Variants in TMEM87A observed in about 807,000 individuals in gnomAD.
TMEM87A encodes Golgi-pH regulating cation channel.
A neutral mutation model predicts 90.0 loss-of-function variants in TMEM87A; 50 were observed. The observed-to-expected ratio is 0.56, with a 90% CI of 0.44 to 0.70. TMEM87A has a LOEUF of 0.70. Ranked by LOEUF, TMEM87A falls within the 30% of genes least tolerant of loss-of-function variation. The pLI is 0.00. For synonymous variants in TMEM87A, 226 were observed against 226.7 expected (o/e 1.00, Z 0.03); for missense variants, 577 against 660.5 (o/e 0.87, Z 1.39).
At chr15:42,243,161 C>G (rs891259517) in intron 7 of TMEM87A, among the ~76,000 whole-genome samples, 1 of 151,752 alleles carries the variant, frequency 6.6e-6, no homozygotes, top group Admixed American at 6.6e-5. Context: ...CCAGCTACTT[C>G]GGAGACTGAG....
chr15:42,244,595 A>T (rs1429093976), intron 6 of TMEM87A, among the ~76,000 whole-genome samples: 1 of 151,208 alleles, frequency 6.6e-6, no homozygotes, highest in Non-Finnish European at 1.5e-5. Flanking sequence ...TCCTAAATCT[A>T]ATCCCTTTGT....
intron 15 of TMEM87A, among the ~76,000 whole-genome samples, chr15:42,225,312 GA>G (rs11403700): frequency 5.3e-5 from 8 of 151,568 alleles, no homozygotes; most frequent in South Asian, 2.1e-4. Context: ...GGGGGGGGGG[GA>G]AGGCATAATC....
intron 14 of TMEM87A, 132 bp from the exon 15 acceptor site, chr15:42,227,041 C>T (rs2050608586): frequency 1.2e-6 from 1 of 806,138 alleles, no homozygotes; most frequent in Non-Finnish European, 2.0e-6. Flanking sequence ...GCTACGTGCT[C>T]AGTACTGTGG....
intron 10 of TMEM87A, among the ~76,000 whole-genome samples, chr15:42,234,660 C>G (rs962560031): frequency 2.0e-5 from 3 of 152,192 alleles, no homozygotes; most frequent in Non-Finnish European, 4.4e-5. Context: ...CTTAATCCCA[C>G]TTAAAGCAAA....
intron 12 of TMEM87A, among the ~76,000 whole-genome samples, chr15:42,229,792 G>A (rs1218761498): frequency 6.6e-6 from 1 of 152,156 alleles, no homozygotes; most frequent in African/African-American, 2.4e-5. Context: ...GAGGGGAATT[G>A]GTGACTACTA....
intron 6 of TMEM87A, among the ~76,000 whole-genome samples, chr15:42,250,252 T>A (rs1044335321): frequency 2.6e-5 from 4 of 152,230 alleles, no homozygotes; most frequent in African/African-American, 9.6e-5. Flanking sequence ...AATTGGGGCA[T>A]TTAGCCCGTC....
chr15:42,254,964 CT>C (rs60449122), intron 6 of TMEM87A, among the ~76,000 whole-genome samples: 99,664 of 125,392 alleles, frequency 0.79, 41,100 homozygotes, highest in Middle Eastern at 0.93. Flanking sequence ...GGGAGGTCTC[CT>C]TTTTTTTTTT....
At chr15:42,229,658 T>C (rs907485756) in intron 12 of TMEM87A, among the ~76,000 whole-genome samples, 27 of 152,148 alleles carry the variant, frequency 1.8e-4, no homozygotes, top group Non-Finnish European at 3.7e-4. Flanking sequence ...ATCAGTTGCC[T>C]GCACTATCCT....
chr15:42,220,867 C>T (rs2050466971), intron 15 of TMEM87A, among the ~76,000 whole-genome samples: 1 of 152,216 alleles, frequency 6.6e-6, no homozygotes, highest in African/African-American at 2.4e-5. Flanking sequence ...TCTCACCTCA[C>T]TGCAAGCTCC....
intron 3 of TMEM87A, among the ~76,000 whole-genome samples, chr15:42,264,699 A>ATATT (rs10681614): frequency 0.012 from 1,329 of 109,426 alleles, 15 homozygotes; most frequent in Non-Finnish European, 0.017. Context: ...ATATATATAT[A>ATATT]TTTTTTTTTT....
Position 42,236,423 on chromosome 15 carries a change from T to C in TMEM87A, c.869-4A>G, listed in dbSNP as rs776359902. On this transcript the variant is annotated splice_polypyrimidine_tract_variant and splice_region_variant and intron_variant, in intron 9 of 19. Transcript: ENST00000389834. ...GCAAGGATCAAAGCACCCTGGACTA[T>C]GAAAAAGAAGGGAAGAAATGGCACC... 3 of 1,613,680 alleles carry C rather than the reference T, an allele frequency of 1.9e-6. No individual in the cohort carries two copies. The highest frequency in any genetic ancestry group is 2.2e-5 in the East Asian group (1 of 44,870).
chr15:42,236,152 A>G (rs1802936198), intron 10 of TMEM87A, among the ~76,000 whole-genome samples, 168 bp downstream of exon 10: 1 of 152,248 alleles, frequency 6.6e-6, no homozygotes, highest in African/African-American at 2.4e-5. Context: ...GGAAAATGAA[A>G]CACATTTTCC....
chr15:42,229,835 T>G (rs1195089386), intron 12 of TMEM87A, among the ~76,000 whole-genome samples: 1 of 152,150 alleles, frequency 6.6e-6, no homozygotes, highest in Non-Finnish European at 1.5e-5. Flanking sequence ...TCAATGTTCT[T>G]TTCTTTTTGA....
At chr15:42,273,462 C>T, upstream of TMEM87A, 1 of 1,603,428 alleles carries the variant, frequency 6.2e-7, no homozygotes, top group Non-Finnish European at 8.5e-7. Flanking sequence ...CCGCCTTCTT[C>T]CGGCTCTGCT....
At chr15:42,261,509 C>T (rs945629194) in intron 4 of TMEM87A, among the ~76,000 whole-genome samples, 3 of 152,094 alleles carry the variant, frequency 2.0e-5, no homozygotes, top group African/African-American at 7.2e-5. Context: ...AATGACAAAG[C>T]TTTAGATATA....
chr15:42,212,007 A>G (rs1299172921), intron 19 of TMEM87A, among the ~76,000 whole-genome samples: 1 of 145,318 alleles, frequency 6.9e-6, no homozygotes, highest in African/African-American at 2.8e-5. Context: ...GAGTCAGCTA[A>G]GATCTTATGT....
chr15:42,261,931 G>A (rs2051301822), intron 4 of TMEM87A, among the ~76,000 whole-genome samples: 1 of 152,142 alleles, frequency 6.6e-6, no homozygotes, highest in Admixed American at 6.5e-5. Context: ...ACCGCGCCCG[G>A]CCTAAACCTA....
chr15:42,232,311 C>CAA (rs1209080619), intron 11 of TMEM87A, among the ~76,000 whole-genome samples: 1 of 152,124 alleles, frequency 6.6e-6, no homozygotes, highest in Non-Finnish European at 1.5e-5. Flanking sequence ...AGCCTGAACT[C>CAA]AATCAGTCCT....
At chr15:42,258,859 C>A in intron 6 of TMEM87A, 2 of 1,508,858 alleles carry the variant, frequency 1.3e-6, no homozygotes, top group South Asian at 2.6e-5. Flanking sequence ...ATAAGAAACT[C>A]TGAAAATCTA....
Sources: gnomAD v4.1 joint callset for allele counts (sites outside exome capture counted in the v4.1 genomes callset) on GRCh38, gnomAD v4.1.1 for gene constraint, MANE v1.5 for transcripts, NCBI Gene and HGNC (gene_info 2026-07-23, HGNC 2026-07-21) for gene names.